Variants in ANXA6 observed in about 807,000 individuals in gnomAD.
The protein encoded by ANXA6 is 67 kDa calelectrin.
In ANXA6, 71 loss-of-function variants were observed where a neutral mutation model predicts 95.4. The observed-to-expected ratio is 0.74, with a 90% CI of 0.61 to 0.91. The LOEUF is 0.91. ANXA6 is among the 40% of genes least tolerant of loss of function. The pLI is 0.00. For missense variants in ANXA6, 830 were observed against 876.4 expected (o/e 0.95, Z 0.67); for synonymous variants, 289 against 315.9 (o/e 0.91, Z 0.90).
chr5:151,133,089 C>T lies in ANXA6; in HGVS notation c.640+5G>A. On this transcript the variant is annotated splice_donor_5th_base_variant and intron_variant, in intron 9 of 25. Transcript: ENST00000354546. ...GAGCAGCTTCAGGTCTTCTCTGGAG[C>T]TTACCCAACCGAAGATGCTGCTTGC... 1 of 1,585,470 alleles carries T rather than the reference C, an allele frequency of 6.3e-7. No individual in the cohort carries two copies. Among genetic ancestry groups the T allele is most frequent in the Non-Finnish European group, 8.6e-7 (1 of 1,164,374 alleles).
rs1191896413 is a variant in ANXA6 at position 151,109,739 on chromosome 5, A to C, written c.1684+14T>G. On this transcript the variant is annotated intron_variant, in intron 22 of 25. Transcript: ENST00000354546. ...CTTCCTGCTGAGCTGGGAAGGGAGG[A>C]GGTCAGGCCTCACCTCTCCGGAGGT... 6.3e-7 allele frequency: 1 copy of C among 1,590,136 alleles called. No homozygotes were observed. Among genetic ancestry groups the C allele is most frequent in the African/African-American group, 1.3e-5 (1 of 74,410 alleles).
At position 151,122,897 on chromosome 5, in the gene ANXA6, G is replaced by A. The variant is rs752137835; in HGVS notation, c.1233+20C>T. ...AAGGTGCATGCATGTTGCACAGAGA[G>A]CCCAGGAGGAGGTCCTTACCCGGCC... On this transcript the variant is annotated intron_variant, in intron 16 of 25. Coordinates refer to ENST00000354546, the MANE Select transcript of ANXA6 (RefSeq NM_001155.5). 100 of 1,608,996 alleles carry A rather than the reference G, an allele frequency of 6.2e-5. No individual in the cohort carries two copies. The highest frequency in any genetic ancestry group is 1.7e-4 in the Middle Eastern group (1 of 6,030).
At chr5:151,114,393 C>T (rs894104655) in intron 20 of ANXA6, among the ~76,000 whole-genome samples, 1 of 151,916 alleles carries the variant, frequency 6.6e-6, no homozygotes, top group Non-Finnish European at 1.5e-5. Flanking sequence ...GGGCGGATCA[C>T]TTGAGGTCAG....
intron 2 of ANXA6, chr5:151,141,567 T>C: frequency 1.0e-6 from 1 of 985,524 alleles, no homozygotes. Context: ...GAGTGAGTCC[T>C]GGACCGCCTC....
intron 11 of ANXA6, among the ~76,000 whole-genome samples, chr5:151,129,981 C>T (rs1409503563): frequency 6.6e-6 from 1 of 152,200 alleles, no homozygotes; most frequent in Admixed American, 6.5e-5. Context: ...CGATTACACA[C>T]ATGAGCCACC....
In ANXA6 at chr5:151,122,160, T is replaced by C. The variant is rs764928211; in HGVS notation, c.1334A>G (p.Lys445Arg). 3 of 1,594,642 alleles carry C rather than the reference T, an allele frequency of 1.9e-6. No homozygotes were observed. The highest frequency in any genetic ancestry group is 2.3e-5 in the South Asian group (2 of 87,322). Residue 445 changes from lysine to arginine, a missense_variant, in exon 17 of 26, where the codon AAG becomes AGG. Lys to Arg is a conservative substitution (Grantham distance 26). Transcript: ENST00000354546. ...GCCACACTGTACCTCCATGGCCTTC[T>C]TCAACTGCTTGGCATCGTAATGGGC... ...PPAHYDAKQL[K>R]KAMEGAGTDE...
At chr5:151,117,390 C>T (rs187461867) in intron 19 of ANXA6, among the ~76,000 whole-genome samples, 4 of 152,310 alleles carry the variant, frequency 2.6e-5, no homozygotes, top group Admixed American at 2.6e-4. Context: ...TGACACACAG[C>T]AAGCTCTCGG....
chr5:151,145,541 A>C (rs1158439603), intron 2 of ANXA6, among the ~76,000 whole-genome samples: 1 of 151,902 alleles, frequency 6.6e-6, no homozygotes, highest in Non-Finnish European at 1.5e-5. Context: ...GGAGAACAGC[A>C]CAATAACCAC....
In ANXA6 at chr5:151,101,370, C is replaced by T; in HGVS notation, c.*78G>A. 1.6e-6 allele frequency: 1 copy of T among 624,072 alleles called. No homozygotes were observed. The highest frequency in any genetic ancestry group is 2.7e-6 in the Non-Finnish European group (1 of 374,452). The allele number at this position is 624,072 out of a possible 1,614,324, so 38.7% of individuals were successfully genotyped here. On this transcript the variant is annotated 3_prime_UTR_variant, in exon 26 of 26. Coordinates refer to ENST00000354546, the MANE Select transcript of ANXA6 (RefSeq NM_001155.5). Reference sequence around the variant, plus strand: ...CCTGCCCCTTCCTTAGTCTCTGGAGCTGGAACAATCAGGCTTGGCCATGGC... The same window carrying T: ...CCTGCCCCTTCCTTAGTCTCTGGAGTTGGAACAATCAGGCTTGGCCATGGC...
intron 17 of ANXA6, among the ~76,000 whole-genome samples, chr5:151,120,767 A>G (rs1312026230): frequency 6.6e-6 from 1 of 152,180 alleles, no homozygotes; most frequent in Non-Finnish European, 1.5e-5. Flanking sequence ...TCTGTCCTCA[A>G]AGAGGTTACT....
intron 2 of ANXA6, among the ~76,000 whole-genome samples, chr5:151,142,385 G>A (rs1401602900): frequency 6.6e-6 from 1 of 152,092 alleles, no homozygotes; most frequent in Non-Finnish European, 1.5e-5. Context: ...GGCTGGGTCA[G>A]GAGAATCACT....
chr5:151,122,996 G>T lies in ANXA6; in HGVS notation c.1154C>A (p.Thr385Lys), dbSNP rs1366755366. The T allele has an allele frequency of 1.2e-6, 2 of 1,613,666 alleles. No homozygotes were observed. Among genetic ancestry groups the T allele is most frequent in the Admixed American group, 1.7e-5 (1 of 60,030 alleles). Reference protein sequence around the residue: ...AMKGLGTDEDTIIDIITHRSN... With the variant: ...AMKGLGTDEDKIIDIITHRSN... ...GCGGTGCGTGATGATATCGATGATTGTGTCTTCGTCAGTCCCTGAGTCACC... is the reference window on the plus strand; with the variant it reads ...GCGGTGCGTGATGATATCGATGATTTTGTCTTCGTCAGTCCCTGAGTCACC... The change falls in exon 16 of 26, where the codon ACA becomes AAA. Residue 385 changes from threonine to lysine, a missense_variant. Physicochemically the swap from Thr to Lys is moderately conservative, Grantham distance 78 (BLOSUM62 -1). Transcript: ENST00000354546.
intron 25 of ANXA6, among the ~76,000 whole-genome samples, chr5:151,103,125 T>C (rs979264890): frequency 1.3e-5 from 2 of 152,150 alleles, no homozygotes; most frequent in African/African-American, 2.4e-5. Context: ...GCCTCCTGAG[T>C]AGCTGGGATT....
At chr5:151,147,849 C>A in intron 2 of ANXA6, 35 bp downstream of exon 2, 2 of 1,585,702 alleles carry the variant, frequency 1.3e-6, no homozygotes, top group Admixed American at 1.8e-5. Context: ...CCAGAGAAGG[C>A]TGAGTACCAC....
intron 1 of ANXA6, among the ~76,000 whole-genome samples, chr5:151,154,512 C>T (rs1432503009): frequency 6.6e-6 from 1 of 152,030 alleles, no homozygotes; most frequent in Non-Finnish European, 1.5e-5. Flanking sequence ...CTTAGAAGGC[C>T]CCTGGCCTAT....
rs970759512 is a variant in ANXA6 at position 151,103,671 on chromosome 5, T to C, written c.1861A>G (p.Thr621Ala). Residue 621 changes from threonine (T) to alanine (A), a missense_variant, in exon 25 of 26, where the codon ACT becomes GCT. Coordinates refer to ENST00000354546, the MANE Select transcript of ANXA6 (RefSeq NM_001155.5). ...CGGGATACCATGATCCTGGTCAGAG[T>C]CTTCTCATCTGTGCCAGCACCCTGG... ...SMKGAGTDEKTLTRIMVSRSE... is the reference protein window; with the variant it reads ...SMKGAGTDEKALTRIMVSRSE... 11 of 1,610,380 alleles carry C rather than the reference T, an allele frequency of 6.8e-6. No homozygotes were observed. Among genetic ancestry groups the C allele is most frequent in the South Asian group, 4.4e-5 (4 of 90,140 alleles).
Position 151,100,795 on chromosome 5 carries a change from T to C in ANXA6, c.*653A>G. 1 of 446,110 alleles carries C rather than the reference T, an allele frequency of 2.2e-6. No homozygotes were observed. Among genetic ancestry groups the C allele is most frequent in the Non-Finnish European group, 4.5e-6 (1 of 220,186 alleles). The allele number at this position is 446,110 out of a possible 1,614,324, so 27.6% of individuals were successfully genotyped here. The stretch of plus-strand genomic sequence containing the variant: ...GAATCGGAGGCATACTTTAGGAAGT[T>C]AATGTTAGAAGGGAAGCCAAGATTT... On this transcript the variant is annotated 3_prime_UTR_variant, in exon 26 of 26. Transcript: ENST00000354546.
intron 25 of ANXA6, among the ~76,000 whole-genome samples, chr5:151,102,022 C>T (rs2113886093): frequency 6.6e-6 from 1 of 152,348 alleles, no homozygotes; most frequent in East Asian, 1.9e-4. Flanking sequence ...GAACAAACAA[C>T]ATTGAGTGCT....
chr5:151,136,710 C>T lies in ANXA6; in HGVS notation c.410-375G>A, dbSNP rs1412374789. 3.9e-5 allele frequency among the ~76,000 whole-genome samples: 6 copies of T among 152,210 alleles called. No individual in the cohort carries two copies. In the South Asian group the frequency reaches 6.2e-4, roughly 16 times the overall value. On this transcript the variant is annotated intron_variant, in intron 6 of 25. Transcript: ENST00000354546. Reference sequence around the variant, plus strand: ...ACTTCTCATTAGACTCAGAATAAAACACCATCTCTCTCTTGGCCTGCAGGC... The same window carrying T: ...ACTTCTCATTAGACTCAGAATAAAATACCATCTCTCTCTTGGCCTGCAGGC...
Sources: gnomAD v4.1 joint callset for allele counts (sites outside exome capture counted in the v4.1 genomes callset) on GRCh38, gnomAD v4.1.1 for gene constraint, MANE v1.5 for transcripts, NCBI Gene and HGNC (gene_info 2026-07-23, HGNC 2026-07-21) for gene names.